Variants in RASSF8 observed in about 807,000 individuals in gnomAD.
RASSF8 encodes ras association domain-containing protein 8.
Under a neutral mutation model 48.5 loss-of-function variants are expected in RASSF8, and 22 were observed. That is an observed-to-expected ratio of 0.45 (90% CI 0.32 to 0.65). RASSF8 has a LOEUF of 0.65. Among genes scored for constraint, RASSF8 ranks in the 30% least tolerant of loss-of-function variants. The pLI is 0.03. For synonymous variants in RASSF8, 127 were observed against 171.5 expected (o/e 0.74, Z 2.03); for missense variants, 418 against 489.2 (o/e 0.85, Z 1.37).
At chr12:26,053,187 G>A (rs1366666359) in intron 2 of RASSF8, among the ~76,000 whole-genome samples, 2 of 146,538 alleles carry the variant, frequency 1.4e-5, no homozygotes, top group African/African-American at 2.5e-5. Context: ...TTCCACAATT[G>A]AAAAAAAAAA....
At chr12:26,009,298 C>T (rs1942466632) in intron 2 of RASSF8, among the ~76,000 whole-genome samples, 1 of 152,194 alleles carries the variant, frequency 6.6e-6, no homozygotes, top group South Asian at 2.1e-4. Context: ...TAGAATAAAG[C>T]TATACCTACA....
chr12:26,016,363 T>G (rs1412980994), intron 2 of RASSF8, among the ~76,000 whole-genome samples: 1 of 152,158 alleles, frequency 6.6e-6, no homozygotes, highest in Admixed American at 6.5e-5. Context: ...AGTTAGCTTC[T>G]CCTTTGGCCT....
intron 2 of RASSF8, among the ~76,000 whole-genome samples, chr12:26,030,679 G>A (rs1015644885): frequency 2.7e-5 from 4 of 150,576 alleles, no homozygotes; most frequent in Non-Finnish European, 5.9e-5. Context: ...AGACATCCCC[G>A]AAGTTATCTT....
At chr12:26,027,072 TTAC>T (rs1286533926) in intron 2 of RASSF8, among the ~76,000 whole-genome samples, 2 of 152,166 alleles carry the variant, frequency 1.3e-5, no homozygotes, top group Middle Eastern at 3.2e-3. Context: ...ATACAGATAT[TTAC>T]TACAATATGG....
intron 2 of RASSF8, among the ~76,000 whole-genome samples, chr12:26,007,805 A>G (rs559600116): frequency 6.6e-6 from 1 of 152,382 alleles, no homozygotes; most frequent in South Asian, 2.1e-4. Context: ...AATTATTTAC[A>G]TAAGTACATA....
At chr12:25,960,005 C>T (rs1941192391) in intron 1 of RASSF8, among the ~76,000 whole-genome samples, 1 of 151,932 alleles carries the variant, frequency 6.6e-6, no homozygotes, top group African/African-American at 2.4e-5. Context: ...CTGACTTAAA[C>T]CTGTCAGGTT....
intron 3 of RASSF8, among the ~76,000 whole-genome samples, chr12:26,057,734 A>G (rs1943639698): frequency 6.6e-6 from 1 of 152,248 alleles, no homozygotes; most frequent in Non-Finnish European, 1.5e-5. Context: ...ACTAGTTTAC[A>G]GTCCCACCAA....
intron 2 of RASSF8, among the ~76,000 whole-genome samples, chr12:26,019,848 CTCTTA>C (rs1018558738): frequency 5.3e-5 from 8 of 151,902 alleles, no homozygotes; most frequent in African/African-American, 1.7e-4. Flanking sequence ...TTAGATAATT[CTCTTA>C]TAAGGGGGAA....
rs1941160967 is a variant in RASSF8, at chr12:25,959,145, C to G, written c.-206C>G. 3 of 151,926 alleles carry G rather than the reference C, an allele frequency of 2.0e-5. No homozygotes were observed. Among genetic ancestry groups the G allele is most frequent in the African/African-American group, 7.2e-5 (3 of 41,532 alleles). 9.4% of individuals were successfully genotyped at this position (151,926 alleles called of 1,614,324 possible). On this transcript the variant is annotated 5_prime_UTR_variant, in exon 1 of 6. Transcript: ENST00000689635. ...CTGCGGGGGCGGCGCAGTTGCGAAA[C>G]TGAGTAAGTATTAACTTTACTTAGC...
At chr12:26,048,018 A>G (rs1943409048) in intron 2 of RASSF8, among the ~76,000 whole-genome samples, 1 of 152,234 alleles carries the variant, frequency 6.6e-6, no homozygotes, top group Non-Finnish European at 1.5e-5. Flanking sequence ...GAAAGCAGGA[A>G]GCCCAGTCCA....
At chr12:25,991,343 A>C (rs1942009326) in intron 1 of RASSF8, among the ~76,000 whole-genome samples, 1 of 152,192 alleles carries the variant, frequency 6.6e-6, no homozygotes, top group South Asian at 2.1e-4. Flanking sequence ...GCATTGCTAT[A>C]AACTATTTAA....
chr12:26,023,390 A>G (rs1430408750), intron 2 of RASSF8, among the ~76,000 whole-genome samples: 1 of 152,230 alleles, frequency 6.6e-6, no homozygotes, highest in Non-Finnish European at 1.5e-5. Context: ...AAGCAGCAAT[A>G]GAAAAGTGTT....
At chr12:26,011,791 C>T (rs1942531565) in intron 2 of RASSF8, 1 of 152,194 alleles carries the variant, frequency 6.6e-6, no homozygotes, top group South Asian at 2.1e-4. Flanking sequence ...CTGACGGTGA[C>T]TTGACCTTGG....
chr12:26,054,463 T>C (rs1591805986), intron 2 of RASSF8, among the ~76,000 whole-genome samples: 1 of 152,184 alleles, frequency 6.6e-6, no homozygotes, highest in Non-Finnish European at 1.5e-5. Context: ...AAGAAAACTA[T>C]CAAACCCAGT....
rs750553077 is a variant in RASSF8, at chr12:26,064,744, A to G, written c.350A>G (p.Asp117Gly). ...PPLAKLRPQIDKSIKRREPKR... is the reference protein window; with the variant it reads ...PPLAKLRPQIGKSIKRREPKR... ...TTAGCTAAACTGAGGCCTCAGATTGACAAATCAATCAAAAGGAGGGAACCG... is the reference window on the plus strand; with the variant it reads ...TTAGCTAAACTGAGGCCTCAGATTGGCAAATCAATCAAAAGGAGGGAACCG... The change falls in exon 4 of 6, where the codon GAC becomes GGC. Residue 117 changes from aspartate (D) to glycine (G), a missense_variant. Asp to Gly is a moderately conservative substitution (Grantham distance 94, BLOSUM62 -1). Coordinates refer to ENST00000689635, the MANE Select transcript of RASSF8 (RefSeq NM_001394098.1). The G allele has an allele frequency of 3.7e-6, 6 of 1,614,202 alleles. No individual in the cohort carries two copies. Among genetic ancestry groups the G allele is most frequent in the Non-Finnish European group, 5.1e-6 (6 of 1,180,028 alleles).
At chr12:25,987,355 T>C (rs1481808792) in intron 1 of RASSF8, among the ~76,000 whole-genome samples, 1 of 152,164 alleles carries the variant, frequency 6.6e-6, no homozygotes, top group Non-Finnish European at 1.5e-5. Context: ...TTTTTTTGAC[T>C]AGCCTGGAGC....
At chr12:26,040,522 A>G (rs776026887) in intron 2 of RASSF8, among the ~76,000 whole-genome samples, 2 of 152,338 alleles carry the variant, frequency 1.3e-5, no homozygotes, top group Non-Finnish European at 1.5e-5. Flanking sequence ...GGCTTGTGCC[A>G]CAAAGTTTGA....
At chr12:25,995,820 T>G (rs920309482) in intron 2 of RASSF8, among the ~76,000 whole-genome samples, 4 of 152,228 alleles carry the variant, frequency 2.6e-5, no homozygotes, top group African/African-American at 7.2e-5. Flanking sequence ...AAATCACTTA[T>G]GAATAAATTC....
chr12:26,074,830 G>A (rs1240802747), downstream of RASSF8, among the ~76,000 whole-genome samples: 1 of 152,168 alleles, frequency 6.6e-6, no homozygotes, highest in Non-Finnish European at 1.5e-5. Context: ...GCCAGACAGT[G>A]AAGAGCCCGG....
Sources: gnomAD v4.1 joint callset for allele counts (sites outside exome capture counted in the v4.1 genomes callset) on GRCh38, gnomAD v4.1.1 for gene constraint, MANE v1.5 for transcripts, NCBI Gene and HGNC (gene_info 2026-07-23, HGNC 2026-07-21) for gene names.